SOCS2: variants seen among roughly 807,000 people sequenced by gnomAD.
SOCS2 encodes suppressor of cytokine signaling 2.
A neutral mutation model predicts 18.6 loss-of-function variants in SOCS2; 10 were observed. The observed-to-expected ratio is 0.54, with a 90% CI of 0.33 to 0.91. SOCS2 has a LOEUF of 0.91. Among genes scored for constraint, SOCS2 ranks in the 40% least tolerant of loss-of-function variants. SOCS2 has a pLI of 0.02. For synonymous variants in SOCS2, 104 were observed against 104.0 expected (o/e 1.00, Z 0.00); for missense variants, 231 against 247.2 (o/e 0.93, Z 0.44).
chr12:93,595,617 T>C, the SOCS2 span, among the ~76,000 whole-genome samples: 4 of 152,224 alleles, frequency 2.6e-5, no homozygotes, highest in Non-Finnish European at 5.9e-5. Flanking sequence ...AGTTAGTTCA[T>C]GACCAAAAGA....
the SOCS2 span, among the ~76,000 whole-genome samples, chr12:93,614,543 CTT>C: frequency 3.7e-4 from 10 of 26,734 alleles, no homozygotes; most frequent in African/African-American, 2.4e-3. Context: ...TTCCTTCCTT[CTT>C]TCTTTCTTTC....
chr12:93,617,126 AT>A, the SOCS2 span, among the ~76,000 whole-genome samples: 2 of 152,206 alleles, frequency 1.3e-5, no homozygotes, highest in Non-Finnish European at 2.9e-5. Context: ...AGACTGTCTT[AT>A]GCTTTGGGGA....
the SOCS2 span, among the ~76,000 whole-genome samples, chr12:93,607,215 A>G: frequency 6.6e-6 from 1 of 152,196 alleles, no homozygotes; most frequent in African/African-American, 2.4e-5. Flanking sequence ...TCTCCTACAT[A>G]TTAATAAAAG....
At chr12:93,618,098 G>A in the SOCS2 span, among the ~76,000 whole-genome samples, 1 of 152,106 alleles carries the variant, frequency 6.6e-6, no homozygotes, top group African/African-American at 2.4e-5. Context: ...TGTTCAAAGT[G>A]TGTGGCACCT....
At chr12:93,600,036 T>C in the SOCS2 span, among the ~76,000 whole-genome samples, 1 of 152,258 alleles carries the variant, frequency 6.6e-6, no homozygotes, top group African/African-American at 2.4e-5. Context: ...AATATTACTG[T>C]AGTCAGATTT....
At chr12:93,612,141 G>T in the SOCS2 span, among the ~76,000 whole-genome samples, 39 of 152,238 alleles carry the variant, frequency 2.6e-4, no homozygotes, top group East Asian at 4.2e-3. Flanking sequence ...ATAAAAGGAT[G>T]TATCTAAACT....
the SOCS2 span, among the ~76,000 whole-genome samples, chr12:93,591,539 A>G: frequency 1.3e-5 from 2 of 152,200 alleles, no homozygotes; most frequent in Admixed American, 6.5e-5. Flanking sequence ...AGCGTCTACG[A>G]TGTGCACACA....
Position 93,572,989 on chromosome 12 carries a change from C to T in SOCS2, c.92C>T (p.Pro31Leu), listed in dbSNP as rs1954311119. 1.9e-6 allele frequency: 3 copies of T among 1,569,522 alleles called. No homozygotes were observed. The highest frequency in any genetic ancestry group is 1.2e-5 in the South Asian group (1 of 85,824). The change falls in exon 1 of 2, where the codon CCG (proline) becomes CTG (leucine). Residue 31 changes from proline (P) to leucine (L), a missense_variant. Around this residue, in one of 3 missense-constraint regions of SOCS2, gnomAD observed 106 missense variants for 103.8 expected, o/e 1.02. Coordinates refer to ENST00000551556, the MANE Select transcript of SOCS2 (RefSeq NM_001270471.2). The surrounding 1 kb of genome is among the most constrained non-coding windows in gnomAD (Gnocchi z 5.0). Reference sequence around the variant, plus strand: ...GCGGGGTCGGCGGAGGAGCCATCCCCGCAGGCGGCGCGTCTGGCGAAGGCC... The same window carrying T: ...GCGGGGTCGGCGGAGGAGCCATCCCTGCAGGCGGCGCGTCTGGCGAAGGCC... ...GTAGSAEEPSPQAARLAKALR... is the reference protein window; with the variant it reads ...GTAGSAEEPSLQAARLAKALR...
chr12:93,605,233 C>T, the SOCS2 span, among the ~76,000 whole-genome samples: 1 of 152,172 alleles, frequency 6.6e-6, no homozygotes. Flanking sequence ...TTGTCTTTAT[C>T]GCTCTCTTAA....
intron 1 of SOCS2, among the ~76,000 whole-genome samples, chr12:93,582,103 A>G (rs1031453698): frequency 6.6e-6 from 1 of 152,214 alleles, no homozygotes; most frequent in Non-Finnish European, 1.5e-5. Context: ...ACAGGGTGCC[A>G]TTGACCTGCT....
At chr12:93,587,302 G>A (rs1248767238), downstream of SOCS2, among the ~76,000 whole-genome samples, 1 of 152,236 alleles carries the variant, frequency 6.6e-6, no homozygotes, top group African/African-American at 2.4e-5. Flanking sequence ...GCAAAGAGCA[G>A]CTGAGCAGAG....
At chr12:93,600,609 A>T in the SOCS2 span, among the ~76,000 whole-genome samples, 1 of 152,084 alleles carries the variant, frequency 6.6e-6, no homozygotes, top group Non-Finnish European at 1.5e-5. Context: ...ATACATGAAC[A>T]TGAATATCCT....
chr12:93,604,549 G>T, the SOCS2 span, among the ~76,000 whole-genome samples: 1 of 152,194 alleles, frequency 6.6e-6, no homozygotes, highest in Non-Finnish European at 1.5e-5. Context: ...AAAAACTGTG[G>T]TGGGTATTTT....
rs993873648 is a variant in SOCS2 at position 93,572,990 on chromosome 12, G to T, written c.93G>T (p.Pro31=). 3.8e-6 allele frequency: 6 copies of T among 1,569,644 alleles called. No homozygotes were observed. The highest frequency in any genetic ancestry group is 1.9e-5 in the Admixed American group (1 of 53,938). Residue 31 remains proline, a synonymous_variant, in exon 1 of 2, where the codon CCG becomes CCT. Coordinates refer to ENST00000551556, the MANE Select transcript of SOCS2 (RefSeq NM_001270471.2). The surrounding 1 kb of genome is among the most constrained non-coding windows in gnomAD (Gnocchi z 5.0). ...GTAGSAEEPS[P]QAARLAKALR... ...CGGGGTCGGCGGAGGAGCCATCCCC[G>T]CAGGCGGCGCGTCTGGCGAAGGCCC... is the stretch of plus-strand genomic sequence containing the variant.
At chr12:93,576,811 T>C (rs1954472545), downstream of SOCS2, 1 of 152,216 alleles carries the variant, frequency 6.6e-6, no homozygotes. Flanking sequence ...ACATACTATG[T>C]ATATCCAAAC....
At chr12:93,604,752 C>T in the SOCS2 span, among the ~76,000 whole-genome samples, 11 of 152,046 alleles carry the variant, frequency 7.2e-5, no homozygotes, top group African/African-American at 9.7e-5. Context: ...TTTGACCTCC[C>T]GGGCTCTAGT....
At chr12:93,620,587 G>T in the SOCS2 span, among the ~76,000 whole-genome samples, 2 of 151,790 alleles carry the variant, frequency 1.3e-5, no homozygotes, top group African/African-American at 4.8e-5. Flanking sequence ...GCTAATTTTT[G>T]TATTTTAGTA....
chr12:93,620,711 G>A, the SOCS2 span, among the ~76,000 whole-genome samples: 3 of 152,208 alleles, frequency 2.0e-5, no homozygotes, highest in Admixed American at 2.0e-4. Flanking sequence ...ACCATGCCTG[G>A]CCTGGAGCGA....
At chr12:93,613,673 C>T in the SOCS2 span, among the ~76,000 whole-genome samples, 9 of 152,152 alleles carry the variant, frequency 5.9e-5, no homozygotes, top group South Asian at 2.1e-4. Flanking sequence ...TTTAGTGAAA[C>T]GGAACAGCAT....
Sources: allele counts gnomAD v4.1 joint callset (sites outside exome capture counted in the v4.1 genomes callset), GRCh38; gene constraint gnomAD v4.1.1; regional missense constraint gnomAD v4.1.1; non-coding constraint Gnocchi (gnomAD v3.1); transcripts MANE v1.5; gene names NCBI Gene and HGNC (gene_info 2026-07-23, HGNC 2026-07-21).